The following MELK variants were observed in gnomAD, a reference collection of about 807,000 sequenced individuals.
MELK encodes maternal embryonic leucine zipper kinase, also known as pEg3 kinase.
MELK carries 81 observed loss-of-function variants against 85.0 expected under a neutral mutation model. That is an observed-to-expected ratio of 0.95 (90% confidence interval 0.80 to 1.15). MELK has a LOEUF of 1.15. Ranked by LOEUF, MELK falls within the 50% of genes most tolerant of loss-of-function variation. MELK has a pLI of 0.00. For synonymous variants in MELK, 252 were observed against 265.0 expected (o/e 0.95, Z 0.48); for missense variants, 754 against 777.5 (o/e 0.97, Z 0.36).
At chr9:36,674,434 A>G (rs1290234462) in intron 16 of MELK, among the ~76,000 whole-genome samples, 1 of 152,238 alleles carries the variant, frequency 6.6e-6, no homozygotes, top group Non-Finnish European at 1.5e-5. Flanking sequence ...ACTAGGTACA[A>G]AGCAAACTTT....
At position 36,657,371 on chromosome 9, in the gene MELK, A is replaced by G. The variant is rs757378983; in HGVS notation, c.1176+8A>G. Reference sequence around the variant, plus strand: ...ACTCCCCGAACATCACAGGTTCGTCATTCTTATTACTATTTAAGGCAGAAT... The same window carrying G: ...ACTCCCCGAACATCACAGGTTCGTCGTTCTTATTACTATTTAAGGCAGAAT... On this transcript the variant is annotated splice_region_variant and intron_variant, in intron 13 of 17. Transcript: ENST00000298048. 1.2e-6 allele frequency: 2 copies of G among 1,600,334 alleles called. No individual in the cohort carries two copies. The highest frequency in any genetic ancestry group is 2.2e-5 in the East Asian group (1 of 44,694).
At chr9:36,578,138 A>G (rs1821835546) in intron 1 of MELK, among the ~76,000 whole-genome samples, 1 of 152,166 alleles carries the variant, frequency 6.6e-6, no homozygotes, top group African/African-American at 2.4e-5. Context: ...GGTATGGGGA[A>G]GACCTTAGCT....
At chr9:36,612,280 G>T (rs1056937354) in intron 8 of MELK, among the ~76,000 whole-genome samples, 2 of 152,088 alleles carry the variant, frequency 1.3e-5, no homozygotes, top group African/African-American at 2.4e-5. Context: ...AGTTTTAGTA[G>T]GGAAGGGGTT....
intron 10 of MELK, among the ~76,000 whole-genome samples, chr9:36,633,585 T>C (rs1289848706): frequency 1.3e-5 from 2 of 152,242 alleles, no homozygotes; most frequent in African/African-American, 4.8e-5. Context: ...GAGGGTACAG[T>C]AGTTCTCAAA....
rs1822954274 is a variant in MELK, at chr9:36,586,758, T to G, written c.145-2778T>G. Among the ~76,000 whole-genome samples the G allele has an allele frequency of 4.6e-5, 7 of 152,354 alleles. No homozygotes were observed. In the South Asian group the frequency reaches 1.4e-3, roughly 32 times the overall value. On this transcript the variant is annotated intron_variant, in intron 3 of 17. Coordinates refer to ENST00000298048, the MANE Select transcript of MELK (RefSeq NM_014791.4). Reference sequence around the variant, plus strand: ...TTCTAAAGCGTAATATGACATTAATTCATGATTTCTAAACTTGTTTTTATA... The same window carrying G: ...TTCTAAAGCGTAATATGACATTAATGCATGATTTCTAAACTTGTTTTTATA...
At chr9:36,616,628 G>A (rs572409728) in intron 8 of MELK, among the ~76,000 whole-genome samples, 1 of 151,912 alleles carries the variant, frequency 6.6e-6, no homozygotes, top group Admixed American at 6.6e-5. Flanking sequence ...GACCTTAGGT[G>A]ATCAGCCTGC....
chr9:36,615,196 G>T (rs2136047304), intron 8 of MELK, among the ~76,000 whole-genome samples: 1 of 145,076 alleles, frequency 6.9e-6, no homozygotes, highest in Non-Finnish European at 1.5e-5. Context: ...CCGGGCGGGG[G>T]GCTGACCCCC....
intron 11 of MELK, among the ~76,000 whole-genome samples, chr9:36,646,239 G>A (rs565881901): frequency 6.6e-6 from 1 of 152,266 alleles, no homozygotes; most frequent in East Asian, 1.9e-4. Context: ...CCAATTTGAA[G>A]AGCCTCAGGA....
At chr9:36,585,445 T>C (rs7045555) in intron 3 of MELK, among the ~76,000 whole-genome samples, 4,421 of 151,730 alleles carry the variant, frequency 0.029, 220 homozygotes, top group African/African-American at 0.1. Context: ...TAGCTGGTAC[T>C]ACAGGCGTGT....
At chr9:36,641,147 T>G (rs1305007971) in intron 10 of MELK, among the ~76,000 whole-genome samples, 1 of 152,190 alleles carries the variant, frequency 6.6e-6, no homozygotes, top group Non-Finnish European at 1.5e-5. Flanking sequence ...AACGGAAGAC[T>G]TGCAGAGGAA....
chr9:36,648,261 T>A (rs1185633427), intron 11 of MELK, among the ~76,000 whole-genome samples: 1 of 151,980 alleles, frequency 6.6e-6, no homozygotes, highest in Non-Finnish European at 1.5e-5. Flanking sequence ...TATAGGTTAG[T>A]GGTATAAGTG....
chr9:36,651,620 T>C, intron 11 of MELK, 126 bp from the exon 12 acceptor site: 1 of 1,089,522 alleles, frequency 9.2e-7, no homozygotes, highest in Non-Finnish European at 1.3e-6. Flanking sequence ...TTTCATCATA[T>C]GCTGTGTAAA....
intron 13 of MELK, among the ~76,000 whole-genome samples, chr9:36,660,750 G>C (rs1386326598): frequency 6.6e-6 from 1 of 151,926 alleles, no homozygotes; most frequent in African/African-American, 2.4e-5. Context: ...CCAGCACTTT[G>C]GGGGGCTGAG....
intron 13 of MELK, among the ~76,000 whole-genome samples, chr9:36,657,572 C>G (rs150154791): frequency 9.7e-4 from 147 of 152,280 alleles, no homozygotes; most frequent in African/African-American, 3.2e-3. Context: ...GAGCTCTTTA[C>G]TGCTCCTTTA....
intron 7 of MELK, among the ~76,000 whole-genome samples, chr9:36,603,020 C>T (rs1587393889): frequency 6.6e-6 from 1 of 152,264 alleles, no homozygotes; most frequent in East Asian, 1.9e-4. Flanking sequence ...CATTTAGTTT[C>T]CCAGAAGGAG....
intron 8 of MELK, among the ~76,000 whole-genome samples, chr9:36,615,323 G>T (rs1826549160): frequency 7.6e-6 from 1 of 131,600 alleles, no homozygotes; most frequent in South Asian, 2.4e-4. Context: ...CTCCCGGATG[G>T]GGCGGCTGGC....
chr9:36,651,705 A>G (rs1245087246), intron 11 of MELK, 41 bp from the exon 12 acceptor site: 3 of 1,588,522 alleles, frequency 1.9e-6, no homozygotes, highest in South Asian at 2.3e-5. Flanking sequence ...ATTTCCACAA[A>G]CAAGTAATCT....
intron 1 of MELK, among the ~76,000 whole-genome samples, chr9:36,574,430 C>CAAAAAAAAAAAAA (rs78915626): frequency 7.5e-5 from 6 of 79,914 alleles, no homozygotes; most frequent in African/African-American, 1.8e-4. Flanking sequence ...ACTAAAAATA[C>CAAAAAAAAAAAAA]AAAAAAAAAA....
chr9:36,587,828 GCA>G (rs1823092030), intron 3 of MELK, among the ~76,000 whole-genome samples: 1 of 151,190 alleles, frequency 6.6e-6, no homozygotes, highest in East Asian at 2.0e-4. Flanking sequence ...AGGCTGGAGT[GCA>G]GTGGCACGAT....
Sources: gnomAD v4.1 joint callset for allele counts (sites outside exome capture counted in the v4.1 genomes callset) on GRCh38, gnomAD v4.1.1 for gene constraint, MANE v1.5 for transcripts, NCBI Gene and HGNC (gene_info 2026-07-23, HGNC 2026-07-21) for gene names.